THOC2: variants seen among roughly 807,000 people sequenced by gnomAD.
THOC2 encodes THO complex 2.
A neutral mutation model predicts 128.4 loss-of-function variants in THOC2; 10 were observed. That is an observed-to-expected ratio of 0.08 (90% CI 0.05 to 0.13). The LOEUF (loss-of-function observed/expected upper bound fraction) is 0.13, where lower values mean the gene tolerates loss of function less well. Ranked by LOEUF, THOC2 falls within the 10% of genes least tolerant of loss-of-function variation. The pLI is 1.00. For missense variants in THOC2, 535 were observed against 1,155.7 expected (o/e 0.46, Z 7.79); for synonymous variants, 393 against 396.9 (o/e 0.99, Z 0.12).
intron 3 of THOC2, among the ~76,000 whole-genome samples, chrX:123,705,048 G>A (rs894404024): frequency 2.7e-5 from 3 of 111,354 alleles, no homozygotes; most frequent in African/African-American, 6.5e-5. Flanking sequence ...CCTAAAATTA[G>A]CCTATTTTCA....
At chrX:123,609,953 T>C (rs1026848480) in intron 38 of THOC2, among the ~76,000 whole-genome samples, 12 of 110,073 alleles carry the variant, frequency 1.1e-4, no homozygotes, top group South Asian at 3.9e-4. Flanking sequence ...CGCTTGGACC[T>C]GGGCGGCAGA....
chrX:123,627,762 G>T lies in THOC2; in HGVS notation c.2688C>A (p.His896Gln). The T allele has an allele frequency of 8.3e-7, 1 of 1,210,711 alleles. No individual in the cohort carries two copies. Among genetic ancestry groups the T allele is most frequent in the Non-Finnish European group, 1.1e-6 (1 of 894,604 alleles). Residue 896 changes from histidine (H) to glutamine (Q), a missense_variant, in exon 23 of 39, where the codon CAC becomes CAA. His to Gln is a conservative substitution (Grantham distance 24). Coordinates refer to ENST00000245838, the MANE Select transcript of THOC2 (RefSeq NM_001081550.2). ...SLTMYDLAVPHTSYEREVNKL... is the reference protein window; with the variant it reads ...SLTMYDLAVPQTSYEREVNKL... ...TATTGACTTCTCGTTCATAGCTGGTGTGTGGAACTGCAAGGTCATACATTG... is the reference window on the plus strand; with the variant it reads ...TATTGACTTCTCGTTCATAGCTGGTTTGTGGAACTGCAAGGTCATACATTG...
At chrX:123,614,991 T>C (rs1353463182) in intron 33 of THOC2, among the ~76,000 whole-genome samples, 1 of 111,997 alleles carries the variant, frequency 8.9e-6, no homozygotes, top group Non-Finnish European at 1.9e-5. Flanking sequence ...AATTGAGAGA[T>C]AACCCTTCTT....
chrX:123,716,699 A>C (rs1450398272), intron 1 of THOC2, among the ~76,000 whole-genome samples: 1 of 103,578 alleles, frequency 9.7e-6, no homozygotes, highest in Non-Finnish European at 2.0e-5. Context: ...ACTGCACTCC[A>C]GCCTGGGCGA....
intron 12 of THOC2, among the ~76,000 whole-genome samples, chrX:123,652,492 GTC>G (rs1184988909): frequency 8.9e-6 from 1 of 111,752 alleles, no homozygotes; most frequent in Non-Finnish European, 1.9e-5. Flanking sequence ...AAGTCAAATT[GTC>G]TCTGTTTGCA....
intron 5 of THOC2, 92 bp from the exon 6 acceptor site, chrX:123,696,934 C>A: frequency 1.4e-6 from 1 of 692,897 alleles, no homozygotes; most frequent in South Asian, 5.0e-5. Context: ...AATAAGAATA[C>A]AAAAATAACA....
intron 2 of THOC2, among the ~76,000 whole-genome samples, chrX:123,710,769 C>T (rs1328528948): frequency 1.8e-5 from 2 of 108,823 alleles, no homozygotes; most frequent in Non-Finnish European, 3.8e-5. Context: ...GTGTGCGAAT[C>T]GCCTGAGGTC....
chrX:123,692,494 C>CT (rs984272905), intron 7 of THOC2, among the ~76,000 whole-genome samples: 3,018 of 56,725 alleles, frequency 0.053, 43 homozygotes, highest in Non-Finnish European at 0.062. Context: ...AAATAACTGC[C>CT]TTTTTTTTTT....
chrX:123,624,759 T>A (rs1457486355), intron 25 of THOC2, 90 bp from the exon 26 acceptor site: 17 of 877,023 alleles, frequency 1.9e-5, no homozygotes, highest in Admixed American at 2.5e-5. Context: ...CAAGTCATAA[T>A]AAACAGGTAA....
chrX:123,602,904 G>A (rs2046333669), intron 38 of THOC2: 1 of 109,569 alleles, frequency 9.1e-6, no homozygotes, highest in Non-Finnish European at 1.9e-5. Flanking sequence ...CTACTCAGGA[G>A]GCTGAGGAAG....
chrX:123,693,112 G>A (rs2050297292), intron 7 of THOC2, among the ~76,000 whole-genome samples: 1 of 112,214 alleles, frequency 8.9e-6, no homozygotes, highest in African/African-American at 3.2e-5. Flanking sequence ...TAACAACACT[G>A]AAAGAATACT....
intron 34 of THOC2, 45 bp downstream of exon 34, chrX:123,614,007 A>G (rs777234883): frequency 1.7e-6 from 2 of 1,154,796 alleles, no homozygotes; most frequent in South Asian, 3.9e-5. Flanking sequence ...ACTGGTGTAC[A>G]TGATAATGAG....
chrX:123,716,913 A>G (rs946338944), intron 1 of THOC2, among the ~76,000 whole-genome samples: 2 of 110,202 alleles, frequency 1.8e-5, no homozygotes, highest in African/African-American at 6.6e-5. Flanking sequence ...ATCAAAAAAA[A>G]AATACATACT....
chrX:123,681,541 A>T (rs1288201826), intron 8 of THOC2, among the ~76,000 whole-genome samples: 1 of 112,310 alleles, frequency 8.9e-6, no homozygotes, highest in African/African-American at 3.2e-5. Flanking sequence ...AAATACAGGA[A>T]ATAAAGAACA....
chrX:123,641,041 T>C (rs1331666810), intron 15 of THOC2, among the ~76,000 whole-genome samples: 1 of 112,027 alleles, frequency 8.9e-6, no homozygotes, highest in Non-Finnish European at 1.9e-5. Context: ...TCTGTCTCAG[T>C]GACTCTAACA....
intron 12 of THOC2, among the ~76,000 whole-genome samples, chrX:123,657,788 G>A (rs1254933571): frequency 3.6e-5 from 4 of 111,466 alleles, no homozygotes; most frequent in African/African-American, 1.3e-4. Flanking sequence ...TCTTTAGAGA[G>A]AAAGAATATA....
At chrX:123,718,376 G>T (rs1209460339) in intron 1 of THOC2, among the ~76,000 whole-genome samples, 2 of 111,902 alleles carry the variant, frequency 1.8e-5, no homozygotes, top group East Asian at 2.8e-4. Context: ...CACAACACTG[G>T]TCTGGGCTAT....
chrX:123,602,708 T>C (rs766214422), intron 38 of THOC2: 1 of 111,464 alleles, frequency 9.0e-6, no homozygotes, highest in Admixed American at 9.5e-5. Flanking sequence ...TTGTACACTT[T>C]AAAAATGGCA....
chrX:123,640,215 C>T (rs2047857299), intron 16 of THOC2, among the ~76,000 whole-genome samples: 1 of 111,065 alleles, frequency 9.0e-6, no homozygotes, highest in African/African-American at 3.3e-5. Flanking sequence ...ATAAATATTG[C>T]AGTGATAGTA....
Sources: allele counts gnomAD v4.1 joint callset (sites outside exome capture counted in the v4.1 genomes callset), GRCh38; gene constraint gnomAD v4.1.1; transcripts MANE v1.5; gene names NCBI Gene and HGNC (gene_info 2026-07-23, HGNC 2026-07-21).